NHSL1: variants seen among roughly 807,000 people sequenced by gnomAD.
NHSL1 encodes NHS like 1, also known as NHS-like protein 1.
NHSL1 carries 48 observed loss-of-function variants against 95.0 expected under a neutral mutation model. That is an observed-to-expected ratio of 0.51 (90% CI 0.40 to 0.64). NHSL1 has a LOEUF of 0.64. Among genes scored for constraint, NHSL1 ranks in the 30% least tolerant of loss-of-function variants. The pLI, the probability that NHSL1 is intolerant of heterozygous loss-of-function variation, is 0.00. For missense variants in NHSL1, 1,971 were observed against 2,077.7 expected, an observed-to-expected ratio of 0.95 and a Z score of 1.00; for synonymous variants, 783 against 833.9, an observed-to-expected ratio of 0.94 and a Z score of 1.05.
chr6:138,563,252 C>T (rs1000631158), intron 1 of NHSL1, among the ~76,000 whole-genome samples: 2 of 152,126 alleles, frequency 1.3e-5, no homozygotes, highest in Admixed American at 6.5e-5. Context: ...TGTCTCGCCA[C>T]GGTAAACATT....
intron 7 of NHSL1, among the ~76,000 whole-genome samples, chr6:138,426,703 G>A (rs1432844307): frequency 3.3e-5 from 5 of 152,096 alleles, no homozygotes; most frequent in Admixed American, 1.3e-4. Flanking sequence ...CATTCTTCTG[G>A]TCAAAAAGAT....
At chr6:138,544,265 AAC>A (rs1170117445) in intron 1 of NHSL1, among the ~76,000 whole-genome samples, 2 of 152,158 alleles carry the variant, frequency 1.3e-5, no homozygotes, top group African/African-American at 2.4e-5. Context: ...TTTTGGAAGA[AAC>A]AGTGTCATGA....
intron 1 of NHSL1, among the ~76,000 whole-genome samples, chr6:138,506,965 C>T (rs766819493): frequency 2.6e-4 from 40 of 152,126 alleles, no homozygotes; most frequent in Non-Finnish European, 5.0e-4. Flanking sequence ...GTCACTTGTG[C>T]CTTAAGAATC....
At chr6:138,630,454 G>A (rs376333466) in intron 1 of NHSL1, among the ~76,000 whole-genome samples, 13 of 151,942 alleles carry the variant, frequency 8.6e-5, no homozygotes, top group Middle Eastern at 3.4e-3. Context: ...GTGCCCAGCC[G>A]AGATCACCGC....
At chr6:138,468,696 C>T (rs1032577754) in intron 3 of NHSL1, among the ~76,000 whole-genome samples, 1 of 152,158 alleles carries the variant, frequency 6.6e-6, no homozygotes, top group African/African-American at 2.4e-5. Flanking sequence ...GACAAAAAAG[C>T]TGGGGGCCAC....
At chr6:138,552,422 A>G (rs2128334230) in intron 1 of NHSL1, among the ~76,000 whole-genome samples, 1 of 152,246 alleles carries the variant, frequency 6.6e-6, no homozygotes, top group Non-Finnish European at 1.5e-5. Context: ...TCCATCCCCC[A>G]GGAGATATAT....
At chr6:138,572,107 A>T (rs1398074413) in exon 1 of NHSL1, 1 of 558,632 alleles carries the variant, frequency 1.8e-6, no homozygotes, top group African/African-American at 1.9e-5. Flanking sequence ...GGGTTAAGAA[A>T]GAAAAGAAAA....
rs763612665 is a variant in NHSL1, at chr6:138,430,364, GGA to G, written c.3952+27_3952+28del. 1 of 1,449,948 alleles carries G rather than the reference GGA, an allele frequency of 6.9e-7. No individual in the cohort carries two copies. Among genetic ancestry groups the G allele is most frequent in the African/African-American group, 1.4e-5 (1 of 70,050 alleles). 89.8% of individuals were successfully genotyped at this position (1,449,948 alleles called of 1,614,324 possible). ...CAGCTGCATATGGGCAGAGGGCACA[GGA>G]GAGAGAAGCCAGGAAGCCAGACTCA... On this transcript the variant is annotated intron_variant, in intron 6 of 7. Coordinates refer to ENST00000343505, the MANE Select transcript of NHSL1 (RefSeq NM_001144060.2). The surrounding 1 kb of genome is among the most constrained non-coding windows in gnomAD (Gnocchi z 4.7).
At chr6:138,672,961 G>A (rs916365733) in intron 1 of NHSL1, among the ~76,000 whole-genome samples, 2 of 152,114 alleles carry the variant, frequency 1.3e-5, no homozygotes, top group Non-Finnish European at 1.5e-5. Flanking sequence ...AGGTTGCAGT[G>A]AGCCGAGATC....
Position 138,565,762 on chromosome 6 carries a change from A to AAAAATAAAATAAAATAAAATAAAAT in NHSL1, c.202+5923_202+5947dup, listed in dbSNP as rs146572935. On this transcript the variant is annotated intron_variant, in intron 1 of 6. Transcript: ENST00000427025. ...CAAAAGAGAGAGACCCCATCTCTAC[A>AAAAATAAAATAAAATAAAATAAAAT]AAAATAAAATAAAATAAAATAAAAT... Among the ~76,000 whole-genome samples the AAAAATAAAATAAAATAAAATAAAAT allele has an allele frequency of 9.1e-3, 1,343 of 147,516 alleles. 33 individuals are homozygous for AAAAATAAAATAAAATAAAATAAAAT. Among genetic ancestry groups the AAAAATAAAATAAAATAAAATAAAAT allele is most frequent in the African/African-American group, 0.033 (1,253 of 38,348 alleles).
intron 3 of NHSL1, among the ~76,000 whole-genome samples, chr6:138,461,526 A>C (rs1434520837): frequency 6.6e-6 from 1 of 152,192 alleles, no homozygotes; most frequent in African/African-American, 2.4e-5. Flanking sequence ...AATCATAAAC[A>C]ATGTCAAATG....
intron 1 of NHSL1, among the ~76,000 whole-genome samples, chr6:138,626,953 G>A (rs545064094): frequency 1.8e-5 from 2 of 110,868 alleles, no homozygotes; most frequent in African/African-American, 3.2e-5. Context: ...AAGCAATCAA[G>A]ACTAAACAAA....
rs987643186 is a variant in NHSL1 at position 138,422,333 on chromosome 6, T to G, written c.*1748A>C. On this transcript the variant is annotated 3_prime_UTR_variant, in exon 8 of 8. Transcript: ENST00000343505. ...TCTCTGGTCTTGACTTCCGGTTGTG[T>G]GAAGAGCAGTGTTTTGTTTTTTTCA... 3 of 152,244 alleles carry G rather than the reference T, an allele frequency of 2.0e-5. No homozygotes were observed. Among genetic ancestry groups the G allele is most frequent in the Non-Finnish European group, 4.4e-5 (3 of 68,048 alleles). 9.4% of individuals were successfully genotyped at this position (152,244 alleles called of 1,614,324 possible).
intron 1 of NHSL1, among the ~76,000 whole-genome samples, chr6:138,552,281 T>C (rs946657641): frequency 6.6e-6 from 1 of 152,124 alleles, no homozygotes. Flanking sequence ...TAGCTGGGCA[T>C]AGTGGTGCAC....
chr6:138,437,440 ACAC>A (rs1298771949), intron 5 of NHSL1, among the ~76,000 whole-genome samples: 1,748 of 41,498 alleles, frequency 0.042, 299 homozygotes, highest in African/African-American at 0.051. Context: ...ACACACACAC[ACAC>A]ACAAAAAAAA....
intron 2 of NHSL1, among the ~76,000 whole-genome samples, chr6:138,477,231 A>G (rs551168025): frequency 1.3e-5 from 2 of 152,338 alleles, no homozygotes; most frequent in South Asian, 2.1e-4. Context: ...AGAGAAGTCC[A>G]AAGCCCTTTT....
At chr6:138,565,541 C>A (rs147368839) in intron 1 of NHSL1, among the ~76,000 whole-genome samples, 1 of 152,114 alleles carries the variant, frequency 6.6e-6, no homozygotes, top group Non-Finnish European at 1.5e-5. Context: ...TGAGGGCCTA[C>A]GCTCTATGAG....
At chr6:138,654,663 C>A (rs1466242427) in intron 1 of NHSL1, among the ~76,000 whole-genome samples, 1 of 151,894 alleles carries the variant, frequency 6.6e-6, no homozygotes, top group Non-Finnish European at 1.5e-5. Flanking sequence ...TCTGGGCCAA[C>A]GATTCCTCCA....
intron 1 of NHSL1, among the ~76,000 whole-genome samples, chr6:138,641,547 C>T (rs967079411): frequency 4.7e-5 from 7 of 148,838 alleles, no homozygotes; most frequent in East Asian, 2.0e-4. Context: ...CGCTTGAACC[C>T]GGAAGGCAGA....
Sources: gnomAD v4.1 joint callset for allele counts (sites outside exome capture counted in the v4.1 genomes callset) on GRCh38, gnomAD v4.1.1 for gene constraint, Gnocchi (gnomAD v3.1) non-coding constraint, MANE v1.5 for transcripts, NCBI Gene and HGNC (gene_info 2026-07-23, HGNC 2026-07-21) for gene names.